Variants in DNAJC13 observed in about 807,000 individuals in gnomAD.
The protein encoded by DNAJC13 is DnaJ heat shock protein family (Hsp40) member C13, also known as dnaJ homolog subfamily C member 13.
In DNAJC13, 75 loss-of-function variants were observed where a neutral mutation model predicts 290.5. That is an observed-to-expected ratio of 0.26 (90% CI 0.21 to 0.31). The LOEUF (loss-of-function observed/expected upper bound fraction) is 0.31, where lower values mean the gene tolerates loss of function less well. Among genes scored for constraint, DNAJC13 ranks in the 10% least tolerant of loss-of-function variants. The pLI, the probability that DNAJC13 is intolerant of heterozygous loss-of-function variation, is 1.00. For missense variants in DNAJC13, 2,260 were observed against 2,674.5 expected, an observed-to-expected ratio of 0.85 and a Z score of 3.42; for synonymous variants, 862 against 892.0, an observed-to-expected ratio of 0.97 and a Z score of 0.60.
At chr3:132,472,498 C>T in intron 20 of DNAJC13, 1 of 915,270 alleles carries the variant, frequency 1.1e-6, no homozygotes, top group Non-Finnish European at 1.3e-6. Flanking sequence ...TTTAGCAGAT[C>T]TAGGCTCATT....
chr3:132,488,332 A>G lies in DNAJC13; in HGVS notation c.3302A>G (p.Lys1101Arg). The G allele has an allele frequency of 6.2e-7, 1 of 1,612,508 alleles. No individual in the cohort carries two copies. The highest frequency in any genetic ancestry group is 8.5e-7 in the Non-Finnish European group (1 of 1,179,306). Residue 1101 changes from lysine to arginine, a missense_variant, in exon 30 of 56, where the codon AAG becomes AGG. This residue lies in a region of DNAJC13 where 1,494 missense variants were observed against 1,693.7 expected (regional missense o/e 0.88). Transcript: ENST00000260818. ...LLTFDPILVE[K>R]VAILLYHIMQ... ...ACCTTTGACCCTATCCTTGTTGAGA[A>G]GGTTGCTATTTTGTTATACCATATC...
chr3:132,470,504 C>T (rs1228269306), intron 20 of DNAJC13, among the ~76,000 whole-genome samples: 1 of 125,606 alleles, frequency 8.0e-6, no homozygotes, highest in Admixed American at 7.6e-5. Context: ...CTGTTGGGCA[C>T]ACCTCCCAGA....
At chr3:132,503,579 A>C (rs527677014) in intron 41 of DNAJC13, among the ~76,000 whole-genome samples, 198 bp downstream of exon 41, 1 of 152,342 alleles carries the variant, frequency 6.6e-6, no homozygotes, top group South Asian at 2.1e-4. Context: ...TGCAAGGGCA[A>C]ATTAACTTTG....
At chr3:132,488,583 T>G in intron 30 of DNAJC13, 131 bp downstream of exon 30, 1 of 949,494 alleles carries the variant, frequency 1.1e-6, no homozygotes, top group Non-Finnish European at 1.5e-6. Context: ...TAAGTACATG[T>G]CTAAAGAGTT....
At chr3:132,467,085 AATAG>A (rs1197125359) in intron 19 of DNAJC13, 81 bp from the exon 20 acceptor site, 19 of 1,433,766 alleles carry the variant, frequency 1.3e-5, no homozygotes, top group Middle Eastern at 2.3e-4. Flanking sequence ...AACCTTATAA[AATAG>A]ATAGAATGAC....
At chr3:132,467,615 G>A (rs1934042933) in intron 20 of DNAJC13, among the ~76,000 whole-genome samples, 1 of 151,860 alleles carries the variant, frequency 6.6e-6, no homozygotes, top group Non-Finnish European at 1.5e-5. Context: ...ACAGGCACCC[G>A]CCACCACGCC....
chr3:132,466,467 C>T (rs908381929), intron 19 of DNAJC13, 73 bp downstream of exon 19: 9 of 1,261,538 alleles, frequency 7.1e-6, no homozygotes, highest in African/African-American at 6.1e-5. Context: ...TTTTTTGAAA[C>T]ACGTTAAAAA....
At chr3:132,458,147 A>G (rs1933676602) in intron 13 of DNAJC13, 1 of 152,186 alleles carries the variant, frequency 6.6e-6, no homozygotes, top group Non-Finnish European at 1.5e-5. Context: ...GAAGCAGCAC[A>G]CCTGAAAGCT....
intron 43 of DNAJC13, among the ~76,000 whole-genome samples, chr3:132,508,260 A>G (rs888594696): frequency 6.6e-6 from 1 of 152,218 alleles, no homozygotes; most frequent in African/African-American, 2.4e-5. Context: ...CTGTCTCCAT[A>G]ACCTAAAAGT....
At chr3:132,487,720 T>G (rs1467973593) in intron 29 of DNAJC13, among the ~76,000 whole-genome samples, 1 of 152,066 alleles carries the variant, frequency 6.6e-6, no homozygotes, top group African/African-American at 2.4e-5. Flanking sequence ...TTCTGTATGG[T>G]TTTTAATTAG....
chr3:132,481,099 A>G (rs976663474), intron 26 of DNAJC13, among the ~76,000 whole-genome samples: 1 of 152,178 alleles, frequency 6.6e-6, no homozygotes, highest in Non-Finnish European at 1.5e-5. Context: ...CACATTTTAT[A>G]GATGAGGAAA....
At chr3:132,522,314 G>C (rs541737383) in intron 48 of DNAJC13, among the ~76,000 whole-genome samples, 2 of 152,236 alleles carry the variant, frequency 1.3e-5, no homozygotes, top group South Asian at 4.1e-4. Flanking sequence ...TTTTTTAAAA[G>C]CTGCTTTTTA....
chr3:132,503,757 AGG>A (rs531238873), intron 41 of DNAJC13, among the ~76,000 whole-genome samples: 2 of 151,878 alleles, frequency 1.3e-5, no homozygotes. Flanking sequence ...ATTCAGACAC[AGG>A]GTTAAAATCC....
chr3:132,424,357 C>G (rs537446516), intron 1 of DNAJC13, among the ~76,000 whole-genome samples: 70 of 152,058 alleles, frequency 4.6e-4, no homozygotes, highest in Non-Finnish European at 3.8e-4. Flanking sequence ...ATAGAAGAGA[C>G]AGGTCTCTTT....
chr3:132,520,181 C>G (rs958274439), intron 48 of DNAJC13, among the ~76,000 whole-genome samples: 2 of 152,200 alleles, frequency 1.3e-5, no homozygotes, highest in Non-Finnish European at 2.9e-5. Flanking sequence ...CTTTGTGGGG[C>G]ATGTGATCTC....
chr3:132,480,595 CTAG>C, intron 26 of DNAJC13, 125 bp downstream of exon 26: 3 of 647,500 alleles, frequency 4.6e-6, no homozygotes, highest in Non-Finnish European at 7.7e-6. Flanking sequence ...TACAGTAGTA[CTAG>C]TTCTGAGATT....
chr3:132,484,356 C>A, intron 28 of DNAJC13: 1 of 575,278 alleles, frequency 1.7e-6, no homozygotes, highest in Non-Finnish European at 3.2e-6. Flanking sequence ...GTCTTTGGCT[C>A]TTCTAGGGTA....
intron 44 of DNAJC13, among the ~76,000 whole-genome samples, chr3:132,511,791 G>C (rs1324088009): frequency 6.6e-6 from 1 of 152,006 alleles, no homozygotes; most frequent in Non-Finnish European, 1.5e-5. Flanking sequence ...AAATGTAACA[G>C]CTTCTCTCAA....
At chr3:132,526,709 A>G (rs2107749077) in intron 53 of DNAJC13, among the ~76,000 whole-genome samples, 1 of 152,362 alleles carries the variant, frequency 6.6e-6, no homozygotes, top group Non-Finnish European at 1.5e-5. Context: ...CATGTTTAAG[A>G]AACATGCCAA....
Sources: gnomAD v4.1 joint callset for allele counts (sites outside exome capture counted in the v4.1 genomes callset) on GRCh38, gnomAD v4.1.1 for gene constraint, gnomAD v4.1.1 regional missense constraint, MANE v1.5 for transcripts, NCBI Gene and HGNC (gene_info 2026-07-23, HGNC 2026-07-21) for gene names.